CIMAP1D: variants seen among roughly 807,000 people sequenced by gnomAD.
CIMAP1D encodes the protein protein CIMAP1D.
chr19:486,652 C>T, the CIMAP1D span, among the ~76,000 whole-genome samples: 6 of 151,900 alleles, frequency 3.9e-5, no homozygotes, highest in East Asian at 8.0e-4. Context: ...CGGTGGCTCA[C>T]GCCTGTAATC....
At chr19:484,186 G>A in the CIMAP1D span, among the ~76,000 whole-genome samples, 1 of 146,622 alleles carries the variant, frequency 6.8e-6, no homozygotes, top group South Asian at 2.1e-4. Flanking sequence ...TTGTCACCAG[G>A]CTGCAGTGCA....
At chr19:479,146 A>G in the CIMAP1D span, among the ~76,000 whole-genome samples, 1 of 152,186 alleles carries the variant, frequency 6.6e-6, no homozygotes, top group African/African-American at 2.4e-5. Context: ...GAATGTTGGC[A>G]AACTGACAAA....
chr19:480,491 T>TAAGGATGAGGGAG, the CIMAP1D span, among the ~76,000 whole-genome samples: 1 of 71,102 alleles, frequency 1.4e-5, no homozygotes, highest in Non-Finnish European at 2.6e-5. Context: ...AGGATGATGG[T>TAAGGATGAGGGAG]AAGGATGATG....
the CIMAP1D span, among the ~76,000 whole-genome samples, chr19:476,164 A>C: frequency 2.0e-5 from 3 of 151,386 alleles, no homozygotes; most frequent in Admixed American, 6.6e-5. Context: ...ACGTCTAGCT[A>C]ATTTTTTTGT....
At chr19:489,771 G>T in the CIMAP1D span, 37 of 354,828 alleles carry the variant, frequency 1.0e-4, no homozygotes, top group Admixed American at 2.8e-4. Flanking sequence ...GTTAGGAACT[G>T]CAGGGACGGA....
At chr19:484,991 G>A in the CIMAP1D span, among the ~76,000 whole-genome samples, 3 of 152,266 alleles carry the variant, frequency 2.0e-5, no homozygotes, top group Admixed American at 1.3e-4. Flanking sequence ...GCCTGGGCTG[G>A]GGGCTGCTGT....
the CIMAP1D span, among the ~76,000 whole-genome samples, chr19:467,371 C>T: frequency 1.3e-5 from 2 of 151,902 alleles, no homozygotes; most frequent in Admixed American, 1.3e-4. Context: ...GCCACAGTCC[C>T]CATTCACCTC....
the CIMAP1D span, among the ~76,000 whole-genome samples, chr19:473,827 A>G: frequency 6.0e-3 from 525 of 87,792 alleles, 1 homozygote; most frequent in African/African-American, 0.012. Context: ...CAGATGGGGA[A>G]ACTGAGGGCC....
the CIMAP1D span, among the ~76,000 whole-genome samples, chr19:485,548 G>A: frequency 1.3e-5 from 2 of 152,226 alleles, no homozygotes. Flanking sequence ...ACTGACGGTG[G>A]AGAAGGGTGA....
chr19:476,063 A>G, the CIMAP1D span, among the ~76,000 whole-genome samples: 1 of 124,956 alleles, frequency 8.0e-6, no homozygotes, highest in Non-Finnish European at 1.6e-5. Context: ...CAGTGGCGCG[A>G]TCTCGGCTCA....
At chr19:473,925 GAT>G in the CIMAP1D span, among the ~76,000 whole-genome samples, 6 of 141,662 alleles carry the variant, frequency 4.2e-5, no homozygotes, top group Non-Finnish European at 3.0e-5. Flanking sequence ...CCCAGGCAGA[GAT>G]ACACGGTCAC....
the CIMAP1D span, among the ~76,000 whole-genome samples, chr19:479,834 C>T: frequency 6.6e-6 from 1 of 152,294 alleles, no homozygotes; most frequent in Non-Finnish European, 1.5e-5. Flanking sequence ...CCATGCCCGG[C>T]CCCTTCTTCT....
chr19:476,605 G>A, the CIMAP1D span, among the ~76,000 whole-genome samples: 2 of 151,998 alleles, frequency 1.3e-5, no homozygotes, highest in African/African-American at 4.8e-5. Flanking sequence ...TAATCAAAAT[G>A]GTATAGTCTA....
chr19:464,029 G>A, the CIMAP1D span: 51 of 1,602,408 alleles, frequency 3.2e-5, no homozygotes, highest in Admixed American at 1.0e-4. Flanking sequence ...CGCGGGGCCC[G>A]GGGCCGCCCC....
the CIMAP1D span, among the ~76,000 whole-genome samples, chr19:484,307 A>G: frequency 6.6e-6 from 1 of 151,580 alleles, no homozygotes; most frequent in Non-Finnish European, 1.5e-5. Context: ...CGCCCGGCTA[A>G]TTTTTGTATT....
At chr19:489,719 G>A in the CIMAP1D span, 1 of 292,494 alleles carries the variant, frequency 3.4e-6, no homozygotes, top group Non-Finnish European at 6.2e-6. Flanking sequence ...AGTGCCTCCT[G>A]GGGGCGGGAT....
At chr19:481,147 T>TG in the CIMAP1D span, among the ~76,000 whole-genome samples, 1 of 36,390 alleles carries the variant, frequency 2.7e-5, no homozygotes. Context: ...GGAAGGATGA[T>TG]GGGAAGGATG....
At chr19:483,723 T>A in the CIMAP1D span, among the ~76,000 whole-genome samples, 1 of 152,316 alleles carries the variant, frequency 6.6e-6, no homozygotes, top group African/African-American at 2.4e-5. Context: ...CAGAGAGCCA[T>A]CAGCTCTTCC....
At chr19:470,622 T>C in the CIMAP1D span, among the ~76,000 whole-genome samples, 1 of 152,096 alleles carries the variant, frequency 6.6e-6, no homozygotes, top group African/African-American at 2.4e-5. Flanking sequence ...GGATTTTTGC[T>C]CATTCTGAAG....
Sources: gnomAD v4.1 joint callset for allele counts (sites outside exome capture counted in the v4.1 genomes callset) on GRCh38, gnomAD v4.1.1 for gene constraint, MANE v1.5 for transcripts, NCBI Gene and HGNC (gene_info 2026-07-23, HGNC 2026-07-21) for gene names.